The following GRK5 variants were observed in gnomAD, a reference collection of about 807,000 sequenced individuals.
The protein encoded by GRK5 is g protein-coupled receptor kinase GRK5.
A neutral mutation model predicts 78.4 loss-of-function variants in GRK5; 40 were observed. The ratio of observed to expected loss-of-function variants is 0.51; its 90% CI spans 0.40 to 0.66. The LOEUF (loss-of-function observed/expected upper bound fraction) is 0.66, where lower values mean the gene tolerates loss of function less well. Ranked by LOEUF, GRK5 falls within the 30% of genes least tolerant of loss-of-function variation. The pLI is 0.00. For missense variants in GRK5, 598 were observed against 759.9 expected, an observed-to-expected ratio of 0.79 and a Z score of 2.50; for synonymous variants, 289 against 296.8, an observed-to-expected ratio of 0.97 and a Z score of 0.27.
At chr10:119,441,818 C>T (rs549590040) in intron 10 of GRK5, among the ~76,000 whole-genome samples, 181 bp from the exon 11 acceptor site, 2 of 152,310 alleles carry the variant, frequency 1.3e-5, no homozygotes, top group East Asian at 3.9e-4. Context: ...TTCCTGTGTC[C>T]TCCCACACCT....
chr10:119,372,383 A>C (rs924923217), intron 2 of GRK5, among the ~76,000 whole-genome samples: 9 of 152,234 alleles, frequency 5.9e-5, no homozygotes, highest in Non-Finnish European at 1.2e-4. Context: ...AAGTTCTTTA[A>C]TAGTACTGCC....
intron 2 of GRK5, chr10:119,334,588 G>A (rs1850842482): frequency 6.6e-6 from 1 of 152,236 alleles, no homozygotes. Flanking sequence ...GAAGATAAAA[G>A]ATTGTTGAGG....
chr10:119,390,131 G>T (rs1015001369), intron 3 of GRK5, among the ~76,000 whole-genome samples: 1 of 152,226 alleles, frequency 6.6e-6, no homozygotes, highest in Non-Finnish European at 1.5e-5. Context: ...GCTGGTGGGG[G>T]TGAGGATGGG....
chr10:119,439,220 C>G (rs1405621246), intron 9 of GRK5, among the ~76,000 whole-genome samples: 1 of 152,274 alleles, frequency 6.6e-6, no homozygotes, highest in Non-Finnish European at 1.5e-5. Context: ...TGCCCCGTAG[C>G]TGTTCTTTCT....
In GRK5 at chr10:119,267,151, G is replaced by A. The variant is rs760588538; in HGVS notation, c.52+59182G>A. Among the ~76,000 whole-genome samples the A allele has an allele frequency of 6.6e-6, 1 of 152,056 alleles. No individual in the cohort carries two copies. The highest frequency in any genetic ancestry group is 1.5e-5 in the Non-Finnish European group (1 of 68,018). On this transcript the variant is annotated intron_variant, in intron 1 of 15. Transcript: ENST00000392870. This position sits in a 1 kb window ranked among gnomAD's most constrained non-coding sequence, Gnocchi z 4.1. ...TCAGCTACTCAGGATGCTGAGGAAG[G>A]AGAATTGCTTGAACCTGCGAGGCGG...
At chr10:119,325,201 C>T (rs991553203) in intron 1 of GRK5, among the ~76,000 whole-genome samples, 2 of 152,236 alleles carry the variant, frequency 1.3e-5, no homozygotes, top group African/African-American at 4.8e-5. Context: ...CTTTTAAACA[C>T]ATGCTACCTT....
At chr10:119,361,822 G>A (rs559262405) in intron 2 of GRK5, among the ~76,000 whole-genome samples, 8 of 152,176 alleles carry the variant, frequency 5.3e-5, no homozygotes, top group Admixed American at 2.0e-4. Flanking sequence ...TTAGCCAGGC[G>A]TAGTGGCGTG....
intron 2 of GRK5, among the ~76,000 whole-genome samples, chr10:119,328,647 TCCACAGGG>T (rs1850718458): frequency 6.6e-6 from 1 of 152,180 alleles, no homozygotes; most frequent in Non-Finnish European, 1.5e-5. Context: ...CTTGCACTCA[TCCACAGGG>T]CCACAGGGCT....
intron 1 of GRK5, among the ~76,000 whole-genome samples, chr10:119,227,952 C>CT (rs1848767119): frequency 6.6e-6 from 1 of 152,010 alleles, no homozygotes; most frequent in Non-Finnish European, 1.5e-5. Flanking sequence ...AGTTCCACGT[C>CT]TAAGATTTTA....
chr10:119,286,644 T>A (rs920763736), intron 1 of GRK5, among the ~76,000 whole-genome samples: 1 of 152,240 alleles, frequency 6.6e-6, no homozygotes, highest in Non-Finnish European at 1.5e-5. Context: ...CTGGCAGGAA[T>A]AATGAAGGGC....
At chr10:119,286,213 G>A (rs1849844560) in intron 1 of GRK5, among the ~76,000 whole-genome samples, 1 of 152,150 alleles carries the variant, frequency 6.6e-6, no homozygotes, top group African/African-American at 2.4e-5. Flanking sequence ...TGAACACCCT[G>A]TACCCTGCAG....
chr10:119,324,619 G>C (rs1485816427), intron 1 of GRK5, among the ~76,000 whole-genome samples: 1 of 152,092 alleles, frequency 6.6e-6, no homozygotes, highest in African/African-American at 2.4e-5. Flanking sequence ...GACAGAGTGA[G>C]ACTCTGTCTC....
At chr10:119,444,322 G>A (rs1853100841) in intron 12 of GRK5, among the ~76,000 whole-genome samples, 1 of 152,286 alleles carries the variant, frequency 6.6e-6, no homozygotes, top group African/African-American at 2.4e-5. Context: ...CCCAAAAGCT[G>A]GGTGGGTGGG....
rs942975784 is a variant in GRK5, at chr10:119,455,228, C to T, written c.*161C>T. On this transcript the variant is annotated 3_prime_UTR_variant, in exon 16 of 16. Transcript: ENST00000392870. ...GTCGACGTAGAACCTCGAGGTTTCT[C>T]AAAGAAATTTCCACTCAGGTCTGTT... 1.4e-6 allele frequency: 1 copy of T among 717,140 alleles called. No individual in the cohort carries two copies. Among genetic ancestry groups the T allele is most frequent in the African/African-American group, 1.7e-5 (1 of 57,510 alleles). 44.4% of individuals were successfully genotyped at this position (717,140 alleles called of 1,614,324 possible).
chr10:119,308,970 G>T (rs1024444058), intron 1 of GRK5, among the ~76,000 whole-genome samples: 13 of 152,242 alleles, frequency 8.5e-5, no homozygotes, highest in African/African-American at 3.1e-4. Context: ...TCTTCCCAGG[G>T]CCTGTCTGGG....
intron 2 of GRK5, among the ~76,000 whole-genome samples, chr10:119,347,570 T>C (rs1043940322): frequency 2.0e-5 from 3 of 152,228 alleles, no homozygotes; most frequent in Non-Finnish European, 2.9e-5. Context: ...CCTCAACAGA[T>C]ATCAAGGGAA....
rs561876062 is a variant in GRK5, at chr10:119,385,587, G to A, written c.261+4660G>A. On this transcript the variant is annotated intron_variant, in intron 3 of 15. Transcript: ENST00000392870. ...CATCTTAGTAGCCCCTGGCGGTGGT[G>A]AGAAGTGGTTGGATTTGAGACTTGT... Among the ~76,000 whole-genome samples the A allele has an allele frequency of 3.3e-3, 507 of 152,336 alleles. 2 individuals are homozygous for A. The highest frequency in any genetic ancestry group is 6.0e-3 in the Non-Finnish European group (410 of 68,036).
intron 6 of GRK5, among the ~76,000 whole-genome samples, chr10:119,428,121 C>T (rs547906812): frequency 1.3e-5 from 2 of 152,370 alleles, no homozygotes; most frequent in Admixed American, 6.5e-5. Flanking sequence ...TGCCCACGCC[C>T]GGTTCTGGAG....
At chr10:119,413,408 C>T (rs912218895) in intron 4 of GRK5, among the ~76,000 whole-genome samples, 6 of 151,114 alleles carry the variant, frequency 4.0e-5, no homozygotes, top group East Asian at 1.9e-4. Flanking sequence ...TGCACACAGG[C>T]GCGTGCACAC....
Sources: gnomAD v4.1 joint callset for allele counts (sites outside exome capture counted in the v4.1 genomes callset) on GRCh38, gnomAD v4.1.1 for gene constraint, Gnocchi (gnomAD v3.1) non-coding constraint, MANE v1.5 for transcripts, NCBI Gene and HGNC (gene_info 2026-07-23, HGNC 2026-07-21) for gene names.